The following PDE4D variants were observed in gnomAD, a reference collection of about 807,000 sequenced individuals.
PDE4D encodes phosphodiesterase 4D, also known as 3',5'-cyclic-AMP phosphodiesterase 4D.
In PDE4D, 24 loss-of-function variants were observed where a neutral mutation model predicts 87.4. That is an observed-to-expected ratio of 0.27 (90% CI 0.20 to 0.39). PDE4D has a LOEUF of 0.39. Among genes scored for constraint, PDE4D ranks in the 10% least tolerant of loss-of-function variants. PDE4D has a pLI of 1.00. For missense variants in PDE4D, 714 were observed against 1,041.0 expected (o/e 0.69, Z 4.32); for synonymous variants, 384 against 383.2 (o/e 1.00, Z -0.02).
intron 5 of PDE4D, among the ~76,000 whole-genome samples, chr5:59,153,823 T>G (rs1401672696): frequency 6.6e-6 from 1 of 151,992 alleles, no homozygotes; most frequent in African/African-American, 2.4e-5. Context: ...GCAATTTCAT[T>G]AGGTTATGCT....
chr5:60,102,319 T>C lies in PDE4D; in HGVS notation c.42+83238A>G, dbSNP rs147617885. On this transcript the variant is annotated intron_variant, in intron 2 of 16. Transcript: ENST00000502484. ...TGTGCAGATTTGTTACATGGGAGTA[T>C]TGTGTGATGTTGAGGTTTGGGATAT... Among the ~76,000 whole-genome samples, 236 of 152,246 alleles carry C rather than the reference T, an allele frequency of 1.6e-3. 2 individuals are homozygous for C. Among genetic ancestry groups the C allele is most frequent in the Middle Eastern group, 0.01 (3 of 294 alleles).
chr5:60,478,593 G>C (rs1748499817), intron 1 of PDE4D, among the ~76,000 whole-genome samples: 1 of 152,112 alleles, frequency 6.6e-6, no homozygotes, highest in South Asian at 2.1e-4. Context: ...GCAACTATTT[G>C]CTTCTATTCA....
intron 1 of PDE4D, among the ~76,000 whole-genome samples, chr5:59,408,036 G>C (rs113065328): frequency 0.015 from 2,332 of 152,266 alleles, 77 homozygotes; most frequent in African/African-American, 0.053. Context: ...CATTTGCTAG[G>C]GAAATTTGCA....
intron 2 of PDE4D, among the ~76,000 whole-genome samples, chr5:60,144,290 T>C (rs1582852966): frequency 6.6e-6 from 1 of 152,320 alleles, no homozygotes; most frequent in Admixed American, 6.5e-5. Context: ...ATACAATGAG[T>C]AAGGTGCTGA....
intron 1 of PDE4D, among the ~76,000 whole-genome samples, chr5:59,705,723 G>C (rs571339207): frequency 6.6e-6 from 1 of 152,084 alleles, no homozygotes; most frequent in Non-Finnish European, 1.5e-5. Flanking sequence ...TTTGTGCCAG[G>C]AATTGTACAC....
intron 1 of PDE4D, among the ~76,000 whole-genome samples, chr5:60,438,415 T>C (rs981155441): frequency 6.6e-6 from 1 of 152,150 alleles, no homozygotes; most frequent in African/African-American, 2.4e-5. Context: ...TTGATATTTA[T>C]ATTTTTAGCT....
intron 1 of PDE4D, among the ~76,000 whole-genome samples, chr5:59,720,839 CAT>C (rs1755722035): frequency 1.3e-5 from 2 of 152,094 alleles, no homozygotes; most frequent in African/African-American, 4.8e-5. Flanking sequence ...AATGAAATTA[CAT>C]AGAGTCTAAA....
chr5:59,994,373 T>A (rs1213030284), intron 2 of PDE4D, among the ~76,000 whole-genome samples: 1 of 151,774 alleles, frequency 6.6e-6, no homozygotes, highest in Non-Finnish European at 1.5e-5. Flanking sequence ...TATGTAAACA[T>A]GTATATACAT....
intron 2 of PDE4D, among the ~76,000 whole-genome samples, chr5:60,178,322 T>C (rs1197710284): frequency 6.6e-6 from 1 of 152,106 alleles, no homozygotes; most frequent in Non-Finnish European, 1.5e-5. Context: ...GCTTTCCAAA[T>C]AGACAACAAT....
chr5:59,599,507 T>C (rs573037147), intron 1 of PDE4D, among the ~76,000 whole-genome samples: 4 of 152,048 alleles, frequency 2.6e-5, no homozygotes, highest in Non-Finnish European at 5.9e-5. Flanking sequence ...TCCCAAAGTG[T>C]AAAACACATT....
chr5:60,051,668 G>C (rs190652858), intron 2 of PDE4D, among the ~76,000 whole-genome samples: 48 of 151,940 alleles, frequency 3.2e-4, no homozygotes, highest in Admixed American at 6.5e-4. Flanking sequence ...GCTAACAGAA[G>C]ACAAGAAACA....
intron 1 of PDE4D, among the ~76,000 whole-genome samples, chr5:59,683,526 T>C (rs1336050676): frequency 1.3e-5 from 2 of 152,226 alleles, no homozygotes; most frequent in Admixed American, 1.3e-4. Context: ...CATAAAATCC[T>C]GCTTTTTGAT....
At chr5:59,500,949 A>G (rs1808193848) in intron 1 of PDE4D, among the ~76,000 whole-genome samples, 1 of 151,966 alleles carries the variant, frequency 6.6e-6, no homozygotes. Flanking sequence ...TCCATATTAT[A>G]GCCTCACCTG....
At chr5:60,154,188 G>C (rs1003803684) in intron 2 of PDE4D, among the ~76,000 whole-genome samples, 2 of 152,160 alleles carry the variant, frequency 1.3e-5, no homozygotes, top group African/African-American at 4.8e-5. Flanking sequence ...CATATCAGGA[G>C]ATATTCTGGG....
At chr5:60,180,401 A>G (rs538029216) in intron 2 of PDE4D, among the ~76,000 whole-genome samples, 2 of 152,258 alleles carry the variant, frequency 1.3e-5, no homozygotes, top group African/African-American at 4.8e-5. Context: ...AAATATCCCT[A>G]CTAAACAGGG....
At chr5:60,298,264 T>C (rs1445797750) in intron 1 of PDE4D, among the ~76,000 whole-genome samples, 1 of 152,176 alleles carries the variant, frequency 6.6e-6, no homozygotes, top group Admixed American at 6.5e-5. Flanking sequence ...ACTAACTGCA[T>C]ACCATTCAAC....
chr5:60,093,750 A>G (rs1775380017), intron 2 of PDE4D, among the ~76,000 whole-genome samples: 1 of 151,378 alleles, frequency 6.6e-6, no homozygotes, highest in Non-Finnish European at 1.5e-5. Context: ...ATTCTCCACT[A>G]AGATTAATGG....
chr5:60,192,573 A>G (rs1160414974), intron 1 of PDE4D, among the ~76,000 whole-genome samples: 1 of 152,200 alleles, frequency 6.6e-6, no homozygotes, highest in Non-Finnish European at 1.5e-5. Context: ...ATGATGTACT[A>G]TGTAATTAAA....
intron 1 of PDE4D, among the ~76,000 whole-genome samples, chr5:59,349,489 T>C (rs1176798145): frequency 6.6e-6 from 1 of 152,162 alleles, no homozygotes; most frequent in Non-Finnish European, 1.5e-5. Context: ...CAAGGTACTG[T>C]CTCTTAAAAT....
Sources: allele counts gnomAD v4.1 joint callset (sites outside exome capture counted in the v4.1 genomes callset), GRCh38; gene constraint gnomAD v4.1.1; transcripts MANE v1.5; gene names NCBI Gene and HGNC (gene_info 2026-07-23, HGNC 2026-07-21).